THSD7A: variants seen among roughly 807,000 people sequenced by gnomAD.
THSD7A encodes the protein thrombospondin type 1 domain containing 7A.
In THSD7A, 96 loss-of-function variants were observed where a neutral mutation model predicts 231.3. That is an observed-to-expected ratio of 0.41 (90% CI 0.35 to 0.49). The LOEUF is 0.49. Among genes scored for constraint, THSD7A ranks in the 20% least tolerant of loss-of-function variants. The pLI, the probability that THSD7A is intolerant of heterozygous loss-of-function variation, is 0.05. For synonymous variants in THSD7A, 940 were observed against 743.3 expected (o/e 1.26, Z -4.30); for missense variants, 2,290 against 2,070.2 (o/e 1.11, Z -2.06).
At chr7:11,376,448 T>A (rs974324860) in intron 27 of THSD7A, 122 bp downstream of exon 27, 58 of 783,346 alleles carry the variant, frequency 7.4e-5, no homozygotes, top group Non-Finnish European at 1.1e-4. Context: ...ACTAAAGCCA[T>A]GTTTATTTAG....
At chr7:11,512,784 G>A (rs1172133055) in intron 6 of THSD7A, among the ~76,000 whole-genome samples, 1 of 113,604 alleles carries the variant, frequency 8.8e-6, no homozygotes, top group Non-Finnish European at 1.8e-5. Context: ...GTCATGGGGC[G>A]GGGGGAGGGG....
chr7:11,449,586 G>A (rs977326824), intron 11 of THSD7A, among the ~76,000 whole-genome samples: 1 of 152,008 alleles, frequency 6.6e-6, no homozygotes, highest in African/African-American at 2.4e-5. Flanking sequence ...GGAGTTCAAA[G>A]GAAGGGCATG....
chr7:11,449,638 A>G (rs1045167811), intron 11 of THSD7A, among the ~76,000 whole-genome samples: 2 of 152,100 alleles, frequency 1.3e-5, no homozygotes, highest in Non-Finnish European at 2.9e-5. Context: ...GAACATCCAT[A>G]TAGTTTAGAA....
At chr7:11,586,959 AAT>A (rs1170083969) in intron 4 of THSD7A, among the ~76,000 whole-genome samples, 7 of 152,240 alleles carry the variant, frequency 4.6e-5, no homozygotes, top group East Asian at 3.9e-4. Context: ...GTGGATTTTT[AAT>A]ATGTTTTCTA....
At chr7:11,748,443 A>G (rs965890000) in intron 1 of THSD7A, among the ~76,000 whole-genome samples, 1 of 152,028 alleles carries the variant, frequency 6.6e-6, no homozygotes, top group African/African-American at 2.4e-5. Flanking sequence ...GAAAAGTATT[A>G]AAGCAGTCTA....
chr7:11,810,691 G>A (rs1011091852), intron 1 of THSD7A, among the ~76,000 whole-genome samples: 4 of 152,134 alleles, frequency 2.6e-5, no homozygotes, highest in Admixed American at 1.3e-4. Context: ...TTAATATGAT[G>A]TAACAAATAA....
At chr7:11,399,108 A>G (rs1184229897) in intron 23 of THSD7A, among the ~76,000 whole-genome samples, 2 of 152,228 alleles carry the variant, frequency 1.3e-5, no homozygotes, top group Non-Finnish European at 2.9e-5. Flanking sequence ...AGCCTGATCA[A>G]ATCTCAACAA....
chr7:11,434,389 G>C (rs1458542137), intron 13 of THSD7A, among the ~76,000 whole-genome samples: 1 of 152,070 alleles, frequency 6.6e-6, no homozygotes, highest in East Asian at 1.9e-4. Flanking sequence ...AGACTAGCAG[G>C]CTTAAAGTGG....
intron 19 of THSD7A, among the ~76,000 whole-genome samples, chr7:11,409,371 T>C (rs561708531): frequency 6.6e-6 from 1 of 152,306 alleles, no homozygotes; most frequent in South Asian, 2.1e-4. Flanking sequence ...TTGAAGACAG[T>C]GTTTGCTAGA....
intron 2 of THSD7A, among the ~76,000 whole-genome samples, chr7:11,606,690 A>T (rs1400869630): frequency 6.6e-6 from 1 of 152,130 alleles, no homozygotes; most frequent in African/African-American, 2.4e-5. Context: ...ATTACCTGAC[A>T]TCACTTGACA....
intron 1 of THSD7A, among the ~76,000 whole-genome samples, chr7:11,712,760 A>G (rs1387093630): frequency 6.6e-6 from 1 of 151,056 alleles, no homozygotes; most frequent in Non-Finnish European, 1.5e-5. Flanking sequence ...GATAAATTAC[A>G]TATGTGGCCT....
intron 6 of THSD7A, among the ~76,000 whole-genome samples, chr7:11,535,095 G>C (rs1165375959): frequency 1.3e-5 from 2 of 152,058 alleles, no homozygotes; most frequent in Admixed American, 1.3e-4. Flanking sequence ...ACATTCAGTG[G>C]GGAATTTGTA....
chr7:11,423,430 G>A (rs1267175777), intron 16 of THSD7A, among the ~76,000 whole-genome samples: 3 of 149,046 alleles, frequency 2.0e-5, no homozygotes, highest in Non-Finnish European at 3.0e-5. Flanking sequence ...GTGCAGTGGC[G>A]CGATCTCGGC....
intron 2 of THSD7A, among the ~76,000 whole-genome samples, chr7:11,596,638 G>C (rs1234792284): frequency 6.6e-6 from 1 of 152,150 alleles, no homozygotes; most frequent in Non-Finnish European, 1.5e-5. Context: ...GGAGATTAGT[G>C]CCACCATCAA....
At chr7:11,389,725 T>C (rs1782907857) in intron 23 of THSD7A, among the ~76,000 whole-genome samples, 2 of 151,872 alleles carry the variant, frequency 1.3e-5, no homozygotes, top group Non-Finnish European at 2.9e-5. Flanking sequence ...GTTGATGGCC[T>C]TTACAATTTG....
intron 4 of THSD7A, among the ~76,000 whole-genome samples, chr7:11,555,849 ATTTTC>A (rs1789823067): frequency 6.6e-6 from 1 of 150,966 alleles, no homozygotes; most frequent in Admixed American, 6.6e-5. Context: ...GTCTCTGGTA[ATTTTC>A]TTTGCTTTGA....
chr7:11,464,757 T>C (rs1292033455), intron 9 of THSD7A, among the ~76,000 whole-genome samples: 6 of 152,136 alleles, frequency 3.9e-5, no homozygotes, highest in African/African-American at 1.4e-4. Context: ...AGTGGAACTC[T>C]TCAAAGATAT....
intron 1 of THSD7A, among the ~76,000 whole-genome samples, chr7:11,720,451 C>G (rs1433674384): frequency 1.3e-5 from 2 of 151,732 alleles, no homozygotes; most frequent in African/African-American, 4.8e-5. Flanking sequence ...TTCCCCCATG[C>G]TTAATCTCTT....
chr7:11,412,841 C>T (rs768365139), intron 17 of THSD7A, 41 bp from the exon 18 acceptor site: 1 of 1,584,710 alleles, frequency 6.3e-7, no homozygotes, highest in South Asian at 1.1e-5. Context: ...GGTGAATACT[C>T]AGCTACACAA....
Sources: gnomAD v4.1 joint callset for allele counts (sites outside exome capture counted in the v4.1 genomes callset) on GRCh38, gnomAD v4.1.1 for gene constraint, MANE v1.5 for transcripts, NCBI Gene and HGNC (gene_info 2026-07-23, HGNC 2026-07-21) for gene names.